The following TCF25 variants were observed in gnomAD, a reference collection of about 807,000 sequenced individuals.
TCF25 encodes the protein TCF25 ribosome quality control complex subunit.
Under a neutral mutation model 83.1 loss-of-function variants are expected in TCF25, and 41 were observed. The observed-to-expected ratio is 0.49, with a 90% CI of 0.38 to 0.64. The LOEUF (loss-of-function observed/expected upper bound fraction) is 0.64. TCF25 is among the 30% of genes least tolerant of loss of function. The pLI is 0.00. For synonymous variants in TCF25, 458 were observed against 365.0 expected, an observed-to-expected ratio of 1.25 and a Z score of -2.90; for missense variants, 979 against 914.5, an observed-to-expected ratio of 1.07 and a Z score of -0.91.
chr16:89,892,643 A>C (rs1416903917), intron 6 of TCF25, among the ~76,000 whole-genome samples: 4 of 152,256 alleles, frequency 2.6e-5, no homozygotes, highest in Admixed American at 2.6e-4. Context: ...CCCTTATGGA[A>C]GCAATCGAGT....
At chr16:89,890,792 T>C (rs1487998401) in intron 5 of TCF25, among the ~76,000 whole-genome samples, 5 of 152,174 alleles carry the variant, frequency 3.3e-5, no homozygotes, top group Non-Finnish European at 5.9e-5. Flanking sequence ...CTGTTAATAC[T>C]GATTACTCGT....
intron 16 of TCF25, chr16:89,908,864 C>T: frequency 1.7e-6 from 2 of 1,201,018 alleles, no homozygotes; most frequent in African/African-American, 1.7e-5. Context: ...TCTCCTGCAG[C>T]TCTGAGGTCA....
intron 2 of TCF25, chr16:89,883,795 C>T (rs532274628): frequency 1.7e-5 from 6 of 343,496 alleles, no homozygotes; most frequent in South Asian, 4.2e-5. Context: ...GCACGTGTGT[C>T]CCTCCTAGCC....
chr16:89,909,509 CAAAA>C (rs11356338), intron 16 of TCF25: 6 of 63,980 alleles, frequency 9.4e-5, no homozygotes, highest in South Asian at 5.2e-4. Flanking sequence ...GACTCCGTCT[CAAAA>C]AAAAAAAAAA....
rs554931258 is a variant in TCF25, at chr16:89,888,629, A to C, written c.614+912A>C. ...ATTCTAGTTTTGCTTCTCAGAGCAAAACTAATGTGAAGGTCAGGTTCTGAG... is the reference window on the plus strand; with the variant it reads ...ATTCTAGTTTTGCTTCTCAGAGCAACACTAATGTGAAGGTCAGGTTCTGAG... On this transcript the variant is annotated intron_variant, in intron 5 of 17. Coordinates refer to ENST00000263346, the MANE Select transcript of TCF25 (RefSeq NM_014972.3). Among the ~76,000 whole-genome samples the C allele has an allele frequency of 5.3e-5, 8 of 151,612 alleles. No homozygotes were observed. In the South Asian group the frequency reaches 1.5e-3, roughly 28 times the overall value.
intron 15 of TCF25, among the ~76,000 whole-genome samples, 197 bp from the exon 16 acceptor site, chr16:89,907,046 C>T (rs1177122392): frequency 6.6e-6 from 1 of 152,038 alleles, no homozygotes; most frequent in African/African-American, 2.4e-5. Flanking sequence ...CGTGAGTGTC[C>T]TGGTGGCAGA....
chr16:89,907,151 C>A, intron 15 of TCF25, 92 bp from the exon 16 acceptor site: 4 of 1,262,336 alleles, frequency 3.2e-6, no homozygotes, highest in South Asian at 1.2e-5. Flanking sequence ...TGCATCCAGT[C>A]CATGCTGGAG....
At chr16:89,884,470 A>G (rs1363369992) in intron 2 of TCF25, 112 bp from the exon 3 acceptor site, 14 of 1,060,284 alleles carry the variant, frequency 1.3e-5, no homozygotes, top group Non-Finnish European at 2.0e-5. Context: ...TGGGACACGG[A>G]GGGAGAGGTA....
chr16:89,884,199 C>T, intron 2 of TCF25: 1 of 216,654 alleles, frequency 4.6e-6, no homozygotes, highest in South Asian at 6.1e-5. Context: ...AAGGGGTTGG[C>T]CAGGTGCAGG....
chr16:89,884,830 CTCTGTCTGACGCCCTCCG>C (rs2042867731), intron 3 of TCF25, among the ~76,000 whole-genome samples, 174 bp downstream of exon 3: 8 of 94,204 alleles, frequency 8.5e-5, no homozygotes, highest in East Asian at 7.5e-4. Flanking sequence ...CGCCCTCTCC[CTCTGTCTGACGCCCTCCG>C]TCTGCCTGAC....
At chr16:89,904,716 A>G in intron 13 of TCF25, 1 of 683,992 alleles carries the variant, frequency 1.5e-6, no homozygotes, top group Non-Finnish European at 2.7e-6. Context: ...CTGTGACGTC[A>G]GTCCTGCTTC....
intron 12 of TCF25, chr16:89,901,119 G>GA: frequency 4.2e-6 from 1 of 239,662 alleles, no homozygotes; most frequent in South Asian, 1.1e-4. Context: ...CAAAGCAGGG[G>GA]AAGGTCTCGG....
intron 5 of TCF25, chr16:89,889,993 C>T (rs1310471738): frequency 6.6e-6 from 1 of 152,202 alleles, no homozygotes; most frequent in African/African-American, 2.4e-5. Flanking sequence ...CCTCAGCTTC[C>T]CAAGTAGCTG....
intron 13 of TCF25, 188 bp downstream of exon 13, chr16:89,904,393 G>T: frequency 1.5e-6 from 1 of 654,504 alleles, no homozygotes; most frequent in Non-Finnish European, 2.7e-6. Context: ...GAAAAGTCCA[G>T]GTGGGACAGC....
chr16:89,893,988 C>T, intron 7 of TCF25, 130 bp downstream of exon 7: 2 of 1,366,164 alleles, frequency 1.5e-6, no homozygotes, highest in East Asian at 2.5e-5. Context: ...GGGTGCCAGT[C>T]TCTGCAGGGC....
chr16:89,887,141 C>T (rs2043078244), intron 4 of TCF25, among the ~76,000 whole-genome samples: 1 of 152,040 alleles, frequency 6.6e-6, no homozygotes, highest in Non-Finnish European at 1.5e-5. Context: ...TCAGGAGATT[C>T]TCTTGCCTCA....
intron 3 of TCF25, among the ~76,000 whole-genome samples, chr16:89,885,285 A>T (rs529072803): frequency 9.2e-5 from 14 of 152,218 alleles, no homozygotes; most frequent in African/African-American, 3.4e-4. Context: ...TTGTTCCTCG[A>T]CTGGTTGGCG....
intron 1 of TCF25, among the ~76,000 whole-genome samples, chr16:89,880,436 T>G (rs747836961): frequency 7.9e-5 from 12 of 152,046 alleles, no homozygotes; most frequent in Admixed American, 2.0e-4. Context: ...ATACAAAAAT[T>G]AGCCTGGCAT....
At chr16:89,895,275 A>G in intron 8 of TCF25, 138 bp downstream of exon 8, 2 of 753,442 alleles carry the variant, frequency 2.7e-6, no homozygotes, top group Admixed American at 2.8e-5. Context: ...ACGTAGCACA[A>G]AACTTACCCA....
Sources: allele counts gnomAD v4.1 joint callset (sites outside exome capture counted in the v4.1 genomes callset), GRCh38; gene constraint gnomAD v4.1.1; transcripts MANE v1.5; gene names NCBI Gene and HGNC (gene_info 2026-07-23, HGNC 2026-07-21).